MTO1: variants seen among roughly 807,000 people sequenced by gnomAD.
The protein encoded by MTO1 is mitochondrial tRNA translation optimization 1.
Under a neutral mutation model 71.6 loss-of-function variants are expected in MTO1, and 46 were observed. The observed-to-expected ratio is 0.64, with a 90% CI of 0.51 to 0.82. The LOEUF (loss-of-function observed/expected upper bound fraction) is 0.82. MTO1 is among the 40% of genes least tolerant of loss of function. The pLI, the probability that MTO1 is intolerant of heterozygous loss-of-function variation, is 0.00. For synonymous variants in MTO1, 297 were observed against 312.1 expected (o/e 0.95, Z 0.51); for missense variants, 773 against 867.5 (o/e 0.89, Z 1.37).
In MTO1 at chr6:73,480,135, G is replaced by T. The variant is rs377448878; in HGVS notation, c.1129+9G>T. 1.2e-6 allele frequency: 2 copies of T among 1,612,642 alleles called. No individual in the cohort carries two copies. The highest frequency in any genetic ancestry group is 2.7e-5 in the African/African-American group (2 of 74,866). ...TAAAGTGATTCAGCCAGGTAAAGAA[G>T]ATCACAAGTGCCCTTCAGTATAAGG... On this transcript the variant is annotated intron_variant, in intron 6 of 11. Transcript: ENST00000498286.
chr6:73,497,739 C>T lies in MTO1; in HGVS notation c.1760C>T (p.Thr587Ile). 2.5e-6 allele frequency: 4 copies of T among 1,610,500 alleles called. No homozygotes were observed. Among genetic ancestry groups the T allele is most frequent in the South Asian group, 1.1e-5 (1 of 90,830 alleles). ...ELAERLKIEA[T>I]YESVLFHQLQ... ...TGATTCTGATTTTGTTGACCAGCCACTTATGAATCAGTGTTGTTCCATCAA... is the reference window on the plus strand; with the variant it reads ...TGATTCTGATTTTGTTGACCAGCCATTTATGAATCAGTGTTGTTCCATCAA... Residue 587 changes from threonine (T) to isoleucine (I), a missense_variant, in exon 11 of 12, where the codon ACT becomes ATT. Coordinates refer to ENST00000498286, the MANE Select transcript of MTO1 (RefSeq NM_012123.4).
intron 4 of MTO1, 123 bp downstream of exon 4, chr6:73,473,777 A>T: frequency 1.4e-6 from 1 of 728,906 alleles, no homozygotes; most frequent in Non-Finnish European, 2.1e-6. Context: ...CTTATAGTGC[A>T]AAGAAATGAT....
At chr6:73,496,653 C>G (rs937440681) in intron 10 of MTO1, among the ~76,000 whole-genome samples, 12 of 139,546 alleles carry the variant, frequency 8.6e-5, no homozygotes, top group Admixed American at 2.2e-4. Flanking sequence ...ACAACAGTCC[C>G]CAGAGTGTGA....
In MTO1 at chr6:73,473,540, T is replaced by C. The variant is rs1178669337; in HGVS notation, c.711T>C (p.Thr237=). Residue 237 remains threonine (T), a synonymous_variant, in exon 4 of 12, where the codon ACT becomes ACC. Coordinates refer to ENST00000498286, the MANE Select transcript of MTO1 (RefSeq NM_012123.4). ...GGTTTGTGGTGGGAAGGTTGAAGACTGGGACTCCACCCCGAATTGCCAAAG... is the reference window on the plus strand; with the variant it reads ...GGTTTGTGGTGGGAAGGTTGAAGACCGGGACTCCACCCCGAATTGCCAAAG... ...KLGFVVGRLK[T]GTPPRIAKES... 5.0e-6 allele frequency: 8 copies of C among 1,614,060 alleles called. No individual in the cohort carries two copies. The highest frequency in any genetic ancestry group is 6.8e-6 in the Non-Finnish European group (8 of 1,180,020).
intron 7 of MTO1, 155 bp from the exon 8 acceptor site, chr6:73,481,885 T>G: frequency 1.4e-6 from 1 of 710,540 alleles, no homozygotes; most frequent in East Asian, 2.7e-5. Context: ...ATTCTATTTC[T>G]GAATATGGAT....
rs939549231 is a variant in MTO1, at chr6:73,472,859, T to C, written c.536-506T>C. Among the ~76,000 whole-genome samples the C allele has an allele frequency of 1.2e-4, 18 of 152,336 alleles. No individual in the cohort carries two copies. The East Asian group carries it at 2.9e-3, about 24-fold the overall frequency. On this transcript the variant is annotated intron_variant, in intron 3 of 11. Transcript: ENST00000498286. Reference sequence around the variant, plus strand: ...CAGTTTTTTATATGTCTGTTATATGTCGATAAGTCTTGAAAAAACAAAAAT... The same window carrying C: ...CAGTTTTTTATATGTCTGTTATATGCCGATAAGTCTTGAAAAAACAAAAAT...
rs562580622 is a variant in MTO1 at position 73,478,347 on chromosome 6, A to G, written c.826-1385A>G. ...GTAATACCAGCACTTTGGGAGGCCA[A>G]GGTAGGAGGATCACTTAAGCCTAGG... is the stretch of plus-strand genomic sequence containing the variant. On this transcript the variant is annotated intron_variant, in intron 4 of 11. Transcript: ENST00000498286. 1.9e-3 allele frequency among the ~76,000 whole-genome samples: 283 copies of G among 152,148 alleles called. 2 individuals carry two copies. The highest frequency in any genetic ancestry group is 6.6e-3 in the African/African-American group (273 of 41,534).
At chr6:73,480,587 A>C in intron 6 of MTO1, 88 bp from the exon 7 acceptor site, 3 of 1,505,006 alleles carry the variant, frequency 2.0e-6, no homozygotes, top group Non-Finnish European at 2.7e-6. Context: ...TCTGTTTTTA[A>C]AGGGCATTTA....
chr6:73,493,387 T>TGTGTGTGTGTGG (rs1455284949), intron 10 of MTO1, among the ~76,000 whole-genome samples: 1 of 150,068 alleles, frequency 6.7e-6, no homozygotes, highest in Non-Finnish European at 1.5e-5. Flanking sequence ...TGTGTGTGTG[T>TGTGTGTGTGTGG]GTTTTGGTTT....
At chr6:73,485,809 G>A (rs1005244002) in intron 9 of MTO1, among the ~76,000 whole-genome samples, 2 of 152,174 alleles carry the variant, frequency 1.3e-5, no homozygotes, top group African/African-American at 4.8e-5. Flanking sequence ...TTTAAAATCC[G>A]GTTAAAAATA....
chr6:73,476,452 A>AT (rs1561943806), intron 4 of MTO1, among the ~76,000 whole-genome samples: 1 of 151,162 alleles, frequency 6.6e-6, no homozygotes, highest in African/African-American at 2.4e-5. Flanking sequence ...AGAAAAACAA[A>AT]AAAAAGTAAG....
Position 73,492,297 on chromosome 6 carries a change from G to T in MTO1, c.1701G>T (p.Glu567Asp). The change falls in exon 10 of 12, where the codon GAG (glutamate) becomes GAT (aspartate). Residue 567 changes from glutamate (E) to aspartate (D), a missense_variant. By Grantham distance (45) the Glu-to-Asp change is conservative. Transcript: ENST00000498286. ...DMDSLAKAVP[E>D]PLKKYTKCRE... ...ATTCATTAGCCAAGGCTGTTCCAGAGCCCTTGAAGAAGTATACTAAATGTA... is the reference window on the plus strand; with the variant it reads ...ATTCATTAGCCAAGGCTGTTCCAGATCCCTTGAAGAAGTATACTAAATGTA... 3.1e-6 allele frequency: 5 copies of T among 1,613,920 alleles called. No individual in the cohort carries two copies. In the South Asian group the frequency reaches 5.5e-5, roughly 18 times the overall value.
rs1029620354 is a variant in MTO1 at position 73,507,493 on chromosome 6, A to T, written c.*6758A>T. 2.0e-5 allele frequency: 3 copies of T among 152,222 alleles called. No homozygotes were observed. The highest frequency in any genetic ancestry group is 7.2e-5 in the African/African-American group (3 of 41,448). 9.4% of individuals were successfully genotyped at this position (152,222 alleles called of 1,614,324 possible). The stretch of plus-strand genomic sequence containing the variant: ...TTCTAAAAAGTTTTTAAAAACTTAA[A>T]GTCTTACTGATCTCTTCCTATGCTC... On this transcript the variant is annotated 3_prime_UTR_variant, in exon 12 of 12. Transcript: ENST00000498286.
At chr6:73,470,002 C>CA (rs1198560229) in intron 3 of MTO1, among the ~76,000 whole-genome samples, 3 of 149,512 alleles carry the variant, frequency 2.0e-5, no homozygotes, top group South Asian at 2.1e-4. Flanking sequence ...AACTCCGTCT[C>CA]AAAAAAAAAG....
In MTO1 at chr6:73,504,839, G is replaced by A. The variant is rs1405219092; in HGVS notation, c.*4104G>A. 2 of 152,060 alleles carry A rather than the reference G, an allele frequency of 1.3e-5. No homozygotes were observed. Among genetic ancestry groups the A allele is most frequent in the African/African-American group, 4.8e-5 (2 of 41,404 alleles). 9.4% of individuals were successfully genotyped at this position (152,060 alleles called of 1,614,324 possible). A position where few individuals can be genotyped will look rare whatever the true frequency, so the allele number is the denominator to read the frequency against. ...AGTTTGAGGCTGCAGTGAGTTGATA[G>A]CATGCCACCACACTCCAGCCTGGGC... On this transcript the variant is annotated 3_prime_UTR_variant, in exon 12 of 12. Coordinates refer to ENST00000498286, the MANE Select transcript of MTO1 (RefSeq NM_012123.4).
At chr6:73,480,358 C>T (rs767708988) in intron 6 of MTO1, 4 of 677,432 alleles carry the variant, frequency 5.9e-6, no homozygotes, top group South Asian at 4.5e-5. Flanking sequence ...CCACAACCTC[C>T]CCCTGCCAGG....
chr6:73,471,880 G>T (rs1308088905), intron 3 of MTO1: 1 of 152,618 alleles, frequency 6.6e-6, no homozygotes, highest in East Asian at 1.9e-4. Context: ...TGACAGTGTT[G>T]TGCACCCATC....
At chr6:73,494,142 GGA>G (rs1771916905) in intron 10 of MTO1, among the ~76,000 whole-genome samples, 1 of 152,022 alleles carries the variant, frequency 6.6e-6, no homozygotes, top group Non-Finnish European at 1.5e-5. Context: ...GGCTGAGGCA[GGA>G]GAATTGCTTG....
intron 10 of MTO1, among the ~76,000 whole-genome samples, chr6:73,495,099 C>G (rs549101636): frequency 3.9e-5 from 6 of 152,052 alleles, no homozygotes; most frequent in Non-Finnish European, 8.8e-5. Context: ...TTTTTTCAGT[C>G]CCACAAAGGC....
Sources: gnomAD v4.1 joint callset for allele counts (sites outside exome capture counted in the v4.1 genomes callset) on GRCh38, gnomAD v4.1.1 for gene constraint, MANE v1.5 for transcripts, NCBI Gene and HGNC (gene_info 2026-07-23, HGNC 2026-07-21) for gene names.